Variants in MYO16 observed in about 807,000 individuals in gnomAD.
MYO16 encodes the protein myosin XVI.
A neutral mutation model predicts 205.3 loss-of-function variants in MYO16; 94 were observed. That is an observed-to-expected ratio of 0.46 (90% CI 0.39 to 0.54). The LOEUF is 0.54. Among genes scored for constraint, MYO16 ranks in the 20% least tolerant of loss-of-function variants. The probability of loss-of-function intolerance (pLI) is 0.00; values close to 1 mark genes in which losing one functional copy is unlikely to be tolerated. For synonymous variants in MYO16, 988 were observed against 954.0 expected (o/e 1.04, Z -0.66); for missense variants, 2,315 against 2,387.5 (o/e 0.97, Z 0.63).
At chr13:109,165,167 G>T in intron 33 of MYO16, 108 bp downstream of exon 33, 1 of 795,018 alleles carries the variant, frequency 1.3e-6, no homozygotes, top group East Asian at 2.9e-5. Context: ...TTAAGAACTG[G>T]AAAATAGAAT....
the MYO16 span, among the ~76,000 whole-genome samples, chr13:108,509,019 A>G: frequency 6.6e-6 from 1 of 152,216 alleles, no homozygotes; most frequent in South Asian, 2.1e-4. Flanking sequence ...GGACAGGAGA[A>G]ACTGAGTAAG....
intron 20 of MYO16, among the ~76,000 whole-genome samples, chr13:108,976,513 G>T (rs1884262715): frequency 6.6e-6 from 1 of 152,012 alleles, no homozygotes; most frequent in South Asian, 2.1e-4. Flanking sequence ...AAACTCTTTG[G>T]TGGGAATTAC....
At chr13:109,060,731 A>T (rs1887566309) in intron 27 of MYO16, among the ~76,000 whole-genome samples, 1 of 152,164 alleles carries the variant, frequency 6.6e-6, no homozygotes. Context: ...ACTTAGCATA[A>T]TTCTTGAAGG....
intron 2 of MYO16, among the ~76,000 whole-genome samples, chr13:108,668,990 G>A (rs2139440262): frequency 6.6e-6 from 1 of 152,132 alleles, no homozygotes; most frequent in South Asian, 2.1e-4. Flanking sequence ...AGTGCCTCTA[G>A]GAGTTGTGAA....
chr13:108,620,739 T>G (rs181813906), intron 1 of MYO16, among the ~76,000 whole-genome samples: 46 of 152,306 alleles, frequency 3.0e-4, no homozygotes, highest in African/African-American at 9.6e-4. Context: ...CTCTGCTCTG[T>G]CCCCAGTTCC....
At chr13:108,583,057 A>T in the MYO16 span, among the ~76,000 whole-genome samples, 1 of 152,220 alleles carries the variant, frequency 6.6e-6, no homozygotes, top group African/African-American at 2.4e-5. Context: ...TTAAAAATAG[A>T]TTCTATCAAA....
At chr13:108,677,425 T>C (rs547794051) in intron 2 of MYO16, among the ~76,000 whole-genome samples, 1 of 149,858 alleles carries the variant, frequency 6.7e-6, no homozygotes, top group Non-Finnish European at 1.5e-5. Flanking sequence ...TTCAGGTATA[T>C]GTGTGTATAT....
chr13:108,888,630 A>C (rs1014950925), intron 14 of MYO16, among the ~76,000 whole-genome samples, 153 bp downstream of exon 14: 1 of 152,242 alleles, frequency 6.6e-6, no homozygotes, highest in African/African-American at 2.4e-5. Flanking sequence ...GGTTCAAATA[A>C]ATACTGTTCG....
At chr13:109,057,733 GCTC>G (rs891141605) in intron 27 of MYO16, among the ~76,000 whole-genome samples, 58 of 150,626 alleles carry the variant, frequency 3.9e-4, no homozygotes, top group African/African-American at 1.3e-3. Context: ...GTTTAAAAAT[GCTC>G]TTGTGTAAGT....
At chr13:109,025,895 GT>G (rs1406766576) in intron 23 of MYO16, among the ~76,000 whole-genome samples, 1 of 152,208 alleles carries the variant, frequency 6.6e-6, no homozygotes, top group Non-Finnish European at 1.5e-5. Flanking sequence ...TAGGTCAAAA[GT>G]AATAGTTATA....
At chr13:109,025,786 A>G (rs1344403753) in intron 23 of MYO16, among the ~76,000 whole-genome samples, 1 of 152,220 alleles carries the variant, frequency 6.6e-6, no homozygotes, top group Non-Finnish European at 1.5e-5. Context: ...CTAGTAAGAA[A>G]TAGTATTTTT....
intron 4 of MYO16, among the ~76,000 whole-genome samples, chr13:108,767,304 A>G (rs1453611040): frequency 6.6e-6 from 1 of 152,020 alleles, no homozygotes; most frequent in East Asian, 1.9e-4. Flanking sequence ...AGGTTTCACC[A>G]TGTTAGCCAG....
chr13:108,625,291 C>T (rs76353143), upstream of MYO16, among the ~76,000 whole-genome samples: 1 of 152,124 alleles, frequency 6.6e-6, no homozygotes, highest in Non-Finnish European at 1.5e-5. Context: ...TCAGGAACAA[C>T]CTCCACAGTC....
At chr13:108,539,980 A>G in the MYO16 span, among the ~76,000 whole-genome samples, 11 of 152,132 alleles carry the variant, frequency 7.2e-5, no homozygotes, top group Admixed American at 4.6e-4. Context: ...ATTGCAAATG[A>G]CAGTTACATG....
Position 108,605,149 on chromosome 13 carries a change from A to G in MYO16, c.-39+8910A>G, listed in dbSNP as rs541437649. ...CAGTTATATGCTTGTTCAGTTTTATATGATCATTTCTTAAAGGACTGACTC... is the reference window on the plus strand; with the variant it reads ...CAGTTATATGCTTGTTCAGTTTTATGTGATCATTTCTTAAAGGACTGACTC... On this transcript the variant is annotated intron_variant, in intron 1 of 24. Coordinates refer to the MYO16 transcript ENST00000251041. Among the ~76,000 whole-genome samples the G allele has an allele frequency of 2.6e-5, 4 of 152,288 alleles. No individual in the cohort carries two copies. In the East Asian group the frequency reaches 5.8e-4, roughly 22 times the overall value.
intron 2 of MYO16, among the ~76,000 whole-genome samples, chr13:108,699,094 C>CTATA (rs1224467573): frequency 7.1e-5 from 10 of 140,372 alleles, no homozygotes; most frequent in African/African-American, 2.1e-4. Context: ...CTCTCTCTCT[C>CTATA]TCTATATATA....
At chr13:108,958,835 G>T (rs1216564936) in intron 17 of MYO16, among the ~76,000 whole-genome samples, 2 of 152,092 alleles carry the variant, frequency 1.3e-5, no homozygotes, top group Non-Finnish European at 2.9e-5. Flanking sequence ...TGGTGTTTTG[G>T]ATTATGGTCA....
chr13:108,561,044 C>G, the MYO16 span, among the ~76,000 whole-genome samples: 1 of 152,142 alleles, frequency 6.6e-6, no homozygotes, highest in African/African-American at 2.4e-5. Context: ...TGCTTCCTGT[C>G]TTTTCTTACT....
chr13:108,591,751 T>C (rs1201440782), upstream of MYO16, among the ~76,000 whole-genome samples: 2 of 152,202 alleles, frequency 1.3e-5, no homozygotes, highest in East Asian at 1.9e-4. Context: ...TGACCTACTT[T>C]GAAGTTTCAA....
Sources: allele counts gnomAD v4.1 joint callset (sites outside exome capture counted in the v4.1 genomes callset), GRCh38; gene constraint gnomAD v4.1.1; transcripts MANE v1.5; gene names NCBI Gene and HGNC (gene_info 2026-07-23, HGNC 2026-07-21).